Variants in TAFA1 observed in about 807,000 individuals in gnomAD.
TAFA1 encodes chemokine-like protein TAFA-1.
TAFA1 carries 4 observed loss-of-function variants against 18.5 expected under a neutral mutation model. The ratio of observed to expected loss-of-function variants is 0.22; its 90% CI spans 0.11 to 0.49. The LOEUF (loss-of-function observed/expected upper bound fraction) is 0.49, where lower values mean the gene tolerates loss of function less well. Ranked by LOEUF, TAFA1 falls within the 20% of genes least tolerant of loss-of-function variation. The pLI, the probability that TAFA1 is intolerant of heterozygous loss-of-function variation, is 0.98. For missense variants in TAFA1, 147 were observed against 169.0 expected (o/e 0.87, Z 0.72); for synonymous variants, 56 against 55.2 (o/e 1.01, Z -0.06).
At chr3:68,394,334 C>A (rs1272711177) in intron 2 of TAFA1, among the ~76,000 whole-genome samples, 1 of 152,150 alleles carries the variant, frequency 6.6e-6, no homozygotes, top group East Asian at 1.9e-4. Context: ...ATTCCATGCT[C>A]ATGGATAGGA....
intron 2 of TAFA1, among the ~76,000 whole-genome samples, chr3:68,227,155 G>GT (rs538665373): frequency 6.3e-4 from 94 of 150,182 alleles, no homozygotes; most frequent in South Asian, 4.4e-3. Context: ...GTTTTTTTTT[G>GT]TTTTTTAACA....
At chr3:68,254,952 T>C (rs1277973287) in intron 2 of TAFA1, among the ~76,000 whole-genome samples, 1 of 152,148 alleles carries the variant, frequency 6.6e-6, no homozygotes, top group African/African-American at 2.4e-5. Flanking sequence ...GCTTTGGAAG[T>C]AGCAGCCACT....
At chr3:68,285,436 A>G (rs572935169) in intron 2 of TAFA1, among the ~76,000 whole-genome samples, 1 of 151,894 alleles carries the variant, frequency 6.6e-6, no homozygotes, top group Non-Finnish European at 1.5e-5. Context: ...TGCCTCAAAA[A>G]TTTCAAAAAA....
intron 2 of TAFA1, among the ~76,000 whole-genome samples, chr3:68,109,294 T>C (rs889966663): frequency 6.6e-6 from 1 of 152,170 alleles, no homozygotes; most frequent in South Asian, 2.1e-4. Context: ...TGATGATTTA[T>C]GTGTAAGATC....
At chr3:68,525,081 G>A (rs1490911952) in intron 3 of TAFA1, among the ~76,000 whole-genome samples, 1 of 152,170 alleles carries the variant, frequency 6.6e-6, no homozygotes, top group Non-Finnish European at 1.5e-5. Context: ...GCAGCTCAAG[G>A]CAGTAGAACT....
At chr3:68,357,504 G>A (rs548470748) in intron 2 of TAFA1, among the ~76,000 whole-genome samples, 13 of 151,918 alleles carry the variant, frequency 8.6e-5, no homozygotes, top group African/African-American at 2.9e-4. Context: ...AAGAAGCTAG[G>A]GTAATAGTTG....
chr3:68,074,581 A>T (rs7610023), intron 2 of TAFA1, among the ~76,000 whole-genome samples: 3 of 152,042 alleles, frequency 2.0e-5, no homozygotes, highest in Admixed American at 6.5e-5. Flanking sequence ...AAAAGAAAAA[A>T]GTATATAAGG....
chr3:68,069,780 G>T (rs772892819), intron 2 of TAFA1, among the ~76,000 whole-genome samples: 2 of 152,152 alleles, frequency 1.3e-5, no homozygotes, highest in Non-Finnish European at 2.9e-5. Context: ...CAAAACATAG[G>T]GGCTACAGGC....
chr3:68,139,580 G>A (rs1214661103), intron 2 of TAFA1, among the ~76,000 whole-genome samples: 7 of 152,086 alleles, frequency 4.6e-5, no homozygotes, highest in Non-Finnish European at 8.8e-5. Flanking sequence ...TTATAATTGG[G>A]ACACTTAGAT....
chr3:68,368,473 C>T (rs2069615015), intron 2 of TAFA1, among the ~76,000 whole-genome samples: 1 of 152,008 alleles, frequency 6.6e-6, no homozygotes. Context: ...ATCTCTGTGG[C>T]CCATGTAGAT....
chr3:67,996,033 T>A, the TAFA1 span, among the ~76,000 whole-genome samples: 2 of 152,166 alleles, frequency 1.3e-5, no homozygotes, highest in Non-Finnish European at 2.9e-5. Flanking sequence ...GAGTGAATAG[T>A]GATAAATAAA....
At chr3:68,197,664 C>T (rs765026051) in intron 2 of TAFA1, among the ~76,000 whole-genome samples, 13 of 151,350 alleles carry the variant, frequency 8.6e-5, no homozygotes, top group Non-Finnish European at 1.3e-4. Context: ...AATGTACAAT[C>T]GAGCAAAGCA....
At chr3:68,085,516 G>T (rs925999528) in intron 2 of TAFA1, among the ~76,000 whole-genome samples, 2 of 152,194 alleles carry the variant, frequency 1.3e-5, no homozygotes, top group African/African-American at 2.4e-5. Context: ...AAATGTCACT[G>T]TAATATCAAA....
At chr3:68,107,453 C>T (rs2065216304) in intron 2 of TAFA1, among the ~76,000 whole-genome samples, 2 of 152,038 alleles carry the variant, frequency 1.3e-5, no homozygotes, top group Admixed American at 6.6e-5. Context: ...TACTCAGCAA[C>T]AAAACATAAT....
At chr3:68,403,508 C>T (rs1387903608) in intron 2 of TAFA1, among the ~76,000 whole-genome samples, 3 of 152,140 alleles carry the variant, frequency 2.0e-5, no homozygotes, top group South Asian at 2.1e-4. Flanking sequence ...GTGCACTGTC[C>T]GATTTTTATG....
At chr3:68,109,361 T>C (rs1435812356) in intron 2 of TAFA1, among the ~76,000 whole-genome samples, 2 of 152,188 alleles carry the variant, frequency 1.3e-5, no homozygotes, top group African/African-American at 4.8e-5. Flanking sequence ...CATACTTTCA[T>C]GTGTTATCTG....
chr3:68,137,865 C>T (rs578047509), intron 2 of TAFA1, among the ~76,000 whole-genome samples: 11 of 151,960 alleles, frequency 7.2e-5, no homozygotes, highest in Admixed American at 2.0e-4. Context: ...CCCTAAAGCA[C>T]GAAAGATGTC....
intron 3 of TAFA1, among the ~76,000 whole-genome samples, chr3:68,430,284 T>C (rs1463859480): frequency 6.6e-6 from 1 of 151,898 alleles, no homozygotes; most frequent in African/African-American, 2.4e-5. Context: ...ATTGCAGGCA[T>C]AGAAGAGAGC....
chr3:68,293,444 G>A (rs1246540773), intron 2 of TAFA1, among the ~76,000 whole-genome samples: 1 of 152,068 alleles, frequency 6.6e-6, no homozygotes, highest in East Asian at 1.9e-4. Flanking sequence ...AGTTATCTTG[G>A]GGACTGAATT....
Sources: gnomAD v4.1 joint callset for allele counts (sites outside exome capture counted in the v4.1 genomes callset) on GRCh38, gnomAD v4.1.1 for gene constraint, MANE v1.5 for transcripts, NCBI Gene and HGNC (gene_info 2026-07-23, HGNC 2026-07-21) for gene names.